The following KCNN2 variants were observed in gnomAD, a reference collection of about 807,000 sequenced individuals.
KCNN2 encodes the protein potassium calcium-activated channel subfamily N member 2.
KCNN2 carries 24 observed loss-of-function variants against 55.5 expected under a neutral mutation model. The ratio of observed to expected loss-of-function variants is 0.43; its 90% CI spans 0.31 to 0.61. The LOEUF is 0.61. Among genes scored for constraint, KCNN2 ranks in the 20% least tolerant of loss-of-function variants. KCNN2 has a pLI of 0.08. For missense variants in KCNN2, 754 were observed against 853.6 expected, an observed-to-expected ratio of 0.88 and a Z score of 1.45; for synonymous variants, 431 against 336.1, an observed-to-expected ratio of 1.28 and a Z score of -3.09.
chr5:114,469,221 C>T (rs987614396), intron 4 of KCNN2, among the ~76,000 whole-genome samples: 3 of 152,160 alleles, frequency 2.0e-5, no homozygotes, highest in Non-Finnish European at 4.4e-5. Flanking sequence ...CTTGTCATTA[C>T]TTACCTTTTC....
chr5:114,102,749 ATGT>A (rs1259399761), intron 1 of KCNN2, among the ~76,000 whole-genome samples: 1 of 151,908 alleles, frequency 6.6e-6, no homozygotes, highest in Non-Finnish European at 1.5e-5. Context: ...ATGGTTGTAG[ATGT>A]GTGTTGTTAT....
intron 2 of KCNN2, among the ~76,000 whole-genome samples, chr5:114,328,462 T>G (rs1756750588): frequency 6.6e-6 from 1 of 152,186 alleles, no homozygotes; most frequent in Non-Finnish European, 1.5e-5. Context: ...CCTAGGATGC[T>G]TTGCTAAATG....
intron 1 of KCNN2, among the ~76,000 whole-genome samples, chr5:114,140,001 A>G (rs1446599119): frequency 1.3e-5 from 2 of 152,156 alleles, no homozygotes; most frequent in Admixed American, 1.3e-4. Context: ...TTTGCAAAAT[A>G]TGTGAAACAA....
intron 2 of KCNN2, among the ~76,000 whole-genome samples, chr5:114,240,186 T>C (rs542340740): frequency 1.3e-5 from 2 of 152,058 alleles, no homozygotes; most frequent in South Asian, 4.2e-4. Context: ...ACTTACTCAG[T>C]TTACATGGTT....
intron 2 of KCNN2, among the ~76,000 whole-genome samples, chr5:114,365,572 G>A (rs1314871467): frequency 1.3e-5 from 2 of 152,184 alleles, no homozygotes; most frequent in Non-Finnish European, 2.9e-5. Flanking sequence ...GGGCCACACA[G>A]CTAGACAGTG....
chr5:114,280,254 T>TG (rs1480373054), intron 2 of KCNN2, among the ~76,000 whole-genome samples: 2 of 152,210 alleles, frequency 1.3e-5, no homozygotes, highest in African/African-American at 4.8e-5. Flanking sequence ...GTAGGTTGCC[T>TG]GTTCACTCTG....
intron 5 of KCNN2, among the ~76,000 whole-genome samples, chr5:114,478,374 A>G (rs1762066113): frequency 1.3e-5 from 2 of 152,188 alleles, no homozygotes; most frequent in Admixed American, 6.6e-5. Flanking sequence ...AGAGTGAACA[A>G]AACCTCCGAG....
intron 2 of KCNN2, among the ~76,000 whole-genome samples, chr5:114,275,794 G>A (rs573762652): frequency 2.0e-5 from 3 of 152,050 alleles, no homozygotes; most frequent in South Asian, 2.1e-4. Flanking sequence ...TGGATTCATT[G>A]ATTTTTTGAA....
intron 1 of KCNN2, among the ~76,000 whole-genome samples, chr5:114,069,989 T>C (rs1215618930): frequency 6.6e-6 from 1 of 152,248 alleles, no homozygotes; most frequent in Non-Finnish European, 1.5e-5. Flanking sequence ...ACTTTTCTTA[T>C]ATGCATTCAT....
At chr5:114,257,037 A>G (rs1004514129) in intron 2 of KCNN2, among the ~76,000 whole-genome samples, 3 of 152,156 alleles carry the variant, frequency 2.0e-5, no homozygotes, top group African/African-American at 7.2e-5. Flanking sequence ...TAATTTCTGT[A>G]TATGGTGAGA....
chr5:114,293,364 C>G (rs947038853), intron 2 of KCNN2, among the ~76,000 whole-genome samples: 39 of 152,050 alleles, frequency 2.6e-4, no homozygotes, highest in Admixed American at 2.2e-3. Flanking sequence ...GAGATACGTC[C>G]CATCAGTACC....
intron 1 of KCNN2, among the ~76,000 whole-genome samples, chr5:114,184,730 C>G (rs1753298306): frequency 6.6e-6 from 1 of 152,156 alleles, no homozygotes; most frequent in South Asian, 2.1e-4. Flanking sequence ...GCTTACCACT[C>G]TCCTGCCACA....
intron 1 of KCNN2, among the ~76,000 whole-genome samples, chr5:114,103,556 TG>T (rs1246461539): frequency 6.6e-6 from 1 of 152,174 alleles, no homozygotes; most frequent in African/African-American, 2.4e-5. Flanking sequence ...ATATTGGCTG[TG>T]GGTCTGTCAT....
chr5:114,160,580 A>G (rs1217297589), intron 1 of KCNN2, among the ~76,000 whole-genome samples: 1 of 152,076 alleles, frequency 6.6e-6, no homozygotes, highest in Non-Finnish European at 1.5e-5. Context: ...TGTCTCGTTG[A>G]TCTGTCTAAT....
At chr5:114,439,633 G>T (rs181259878) in intron 3 of KCNN2, among the ~76,000 whole-genome samples, 1 of 152,112 alleles carries the variant, frequency 6.6e-6, no homozygotes, top group Non-Finnish European at 1.5e-5. Context: ...CACCGCCAAG[G>T]TTAAGAACCA....
At chr5:114,373,217 TC>T (rs994790657) in intron 2 of KCNN2, among the ~76,000 whole-genome samples, 2 of 152,106 alleles carry the variant, frequency 1.3e-5, no homozygotes, top group African/African-American at 4.8e-5. Flanking sequence ...GCAATTTGCT[TC>T]CCTGTGGACT....
At chr5:114,184,773 C>A (rs1170981929) in intron 1 of KCNN2, among the ~76,000 whole-genome samples, 2 of 152,100 alleles carry the variant, frequency 1.3e-5, no homozygotes, top group Non-Finnish European at 2.9e-5. Context: ...AGTTAATTGC[C>A]CCCTTTCGCT....
At chr5:114,309,797 G>C (rs1175638792) in intron 2 of KCNN2, among the ~76,000 whole-genome samples, 1 of 152,108 alleles carries the variant, frequency 6.6e-6, no homozygotes, top group Non-Finnish European at 1.5e-5. Flanking sequence ...GGCTCAAAGA[G>C]TGAAAAGAAA....
chr5:114,169,598 A>G (rs1011610548), intron 1 of KCNN2, among the ~76,000 whole-genome samples: 6 of 152,114 alleles, frequency 3.9e-5, no homozygotes, highest in Non-Finnish European at 5.9e-5. Flanking sequence ...AGCCGTTATT[A>G]TGTGCTCCAT....
Sources: gnomAD v4.1 joint callset for allele counts (sites outside exome capture counted in the v4.1 genomes callset) on GRCh38, gnomAD v4.1.1 for gene constraint, MANE v1.5 for transcripts, NCBI Gene and HGNC (gene_info 2026-07-23, HGNC 2026-07-21) for gene names.